SV2C: variants seen among roughly 807,000 people sequenced by gnomAD.
SV2C encodes solute carrier family 22 member B3.
A neutral mutation model predicts 79.7 loss-of-function variants in SV2C; 49 were observed. The observed-to-expected ratio is 0.61, with a 90% CI of 0.49 to 0.78. The LOEUF (loss-of-function observed/expected upper bound fraction) is 0.78, where lower values mean the gene tolerates loss of function less well. SV2C is among the 30% of genes least tolerant of loss of function. SV2C has a pLI of 0.00. For synonymous variants in SV2C, 334 were observed against 333.2 expected (o/e 1.00, Z -0.03); for missense variants, 833 against 912.9 (o/e 0.91, Z 1.13).
intron 2 of SV2C, among the ~76,000 whole-genome samples, chr5:76,134,525 A>G (rs944806840): frequency 6.6e-6 from 1 of 152,192 alleles, no homozygotes; most frequent in Non-Finnish European, 1.5e-5. Context: ...GAGGATATAG[A>G]TTTGCAAAAT....
chr5:76,162,875 C>T (rs569273951), intron 2 of SV2C, among the ~76,000 whole-genome samples: 3 of 152,300 alleles, frequency 2.0e-5, no homozygotes, highest in Non-Finnish European at 4.4e-5. Context: ...TAAAGTTTGC[C>T]TGATGTCTTT....
chr5:76,122,230 G>A (rs1459204515), intron 1 of SV2C, among the ~76,000 whole-genome samples: 1 of 151,490 alleles, frequency 6.6e-6, no homozygotes, highest in East Asian at 1.9e-4. Context: ...TGTATCCTGA[G>A]ACTTTGCTGA....
intron 3 of SV2C, among the ~76,000 whole-genome samples, chr5:76,209,429 A>G (rs1437887994): frequency 6.6e-6 from 1 of 152,246 alleles, no homozygotes; most frequent in African/African-American, 2.4e-5. Flanking sequence ...CACACAAAAC[A>G]CAACCATGAG....
At chr5:76,347,694 G>A (rs549258158) in intron 12 of SV2C, among the ~76,000 whole-genome samples, 15 of 152,196 alleles carry the variant, frequency 9.9e-5, no homozygotes, top group African/African-American at 3.4e-4. Context: ...TGCCTGCCTC[G>A]GCCTCCCAAA....
At chr5:76,171,900 C>A in intron 2 of SV2C, among the ~76,000 whole-genome samples, 1 of 115,322 alleles carries the variant, frequency 8.7e-6, no homozygotes, top group African/African-American at 3.2e-5. Flanking sequence ...GGGTCAGCCC[C>A]CCCACCCGGC....
chr5:76,134,863 G>A (rs1749015800), intron 2 of SV2C, among the ~76,000 whole-genome samples: 1 of 152,200 alleles, frequency 6.6e-6, no homozygotes, highest in South Asian at 2.1e-4. Context: ...AGCACTTACT[G>A]TGTGTAAAGC....
At chr5:76,030,285 T>TTTTA in the SV2C span, among the ~76,000 whole-genome samples, 1 of 109,960 alleles carries the variant, frequency 9.1e-6, no homozygotes, top group African/African-American at 5.4e-5. Context: ...TTTTTTTTTT[T>TTTTA]TTTTTTTATT....
the SV2C span, among the ~76,000 whole-genome samples, chr5:75,914,748 G>A: frequency 6.6e-6 from 1 of 152,170 alleles, no homozygotes; most frequent in Non-Finnish European, 1.5e-5. Flanking sequence ...CATGTAATGA[G>A]TGGTTTCTAT....
At chr5:76,085,970 A>G (rs942904535) in intron 1 of SV2C, among the ~76,000 whole-genome samples, 1 of 152,132 alleles carries the variant, frequency 6.6e-6, no homozygotes, top group Non-Finnish European at 1.5e-5. Flanking sequence ...ACAGTCTAAT[A>G]TGTAATCCAA....
At chr5:76,089,211 T>G (rs971119647) in intron 1 of SV2C, among the ~76,000 whole-genome samples, 11 of 152,146 alleles carry the variant, frequency 7.2e-5, no homozygotes, top group Non-Finnish European at 1.5e-4. Flanking sequence ...CCAGTGTGTA[T>G]TGTTCCCCTC....
the SV2C span, among the ~76,000 whole-genome samples, chr5:75,956,461 G>C: frequency 1.3e-5 from 2 of 151,566 alleles, no homozygotes; most frequent in African/African-American, 2.4e-5. Flanking sequence ...ACGAGTTAGT[G>C]GGTGCAGCAC....
intron 1 of SV2C, among the ~76,000 whole-genome samples, chr5:76,121,591 A>T (rs9716450): frequency 0.035 from 5,246 of 149,736 alleles, 297 homozygotes; most frequent in African/African-American, 0.12. Context: ...ACATATGGCT[A>T]GCCAGTTTTC....
chr5:76,129,811 C>G (rs1748821357), intron 1 of SV2C, among the ~76,000 whole-genome samples: 1 of 152,170 alleles, frequency 6.6e-6, no homozygotes, highest in Admixed American at 6.5e-5. Context: ...CTGCTTTCAA[C>G]TAACCAGAAT....
At chr5:76,172,808 C>T (rs1441590320) in intron 2 of SV2C, among the ~76,000 whole-genome samples, 4 of 83,010 alleles carry the variant, frequency 4.8e-5, no homozygotes, top group East Asian at 4.2e-4. Flanking sequence ...GGATTAAGGG[C>T]GGTGCAAGAT....
At chr5:76,195,428 G>C (rs1460826519) in intron 3 of SV2C, among the ~76,000 whole-genome samples, 1 of 152,108 alleles carries the variant, frequency 6.6e-6, no homozygotes, top group Non-Finnish European at 1.5e-5. Flanking sequence ...AATAGCTCTC[G>C]TCCTACCTGT....
intron 12 of SV2C, among the ~76,000 whole-genome samples, chr5:76,307,617 C>T (rs1404249796): frequency 1.3e-5 from 2 of 152,194 alleles, no homozygotes; most frequent in East Asian, 3.9e-4. Context: ...CAGTGCTGCC[C>T]TTTTTCTCTT....
the SV2C span, among the ~76,000 whole-genome samples, chr5:75,952,412 A>G: frequency 6.6e-6 from 1 of 151,700 alleles, no homozygotes; most frequent in Admixed American, 6.6e-5. Context: ...TGAATTGATT[A>G]ATCCTTTTCA....
the SV2C span, among the ~76,000 whole-genome samples, chr5:75,907,121 A>G: frequency 7.2e-5 from 11 of 152,332 alleles, no homozygotes; most frequent in Admixed American, 6.5e-4. Context: ...ACCACTGGCC[A>G]TATCATTGAC....
intron 12 of SV2C, among the ~76,000 whole-genome samples, chr5:76,342,657 C>T (rs973260921): frequency 6.6e-6 from 1 of 152,172 alleles, no homozygotes; most frequent in African/African-American, 2.4e-5. Context: ...GAGCTCACAC[C>T]TAAGTTCTCC....
Sources: gnomAD v4.1 joint callset for allele counts (sites outside exome capture counted in the v4.1 genomes callset) on GRCh38, gnomAD v4.1.1 for gene constraint, MANE v1.5 for transcripts, NCBI Gene and HGNC (gene_info 2026-07-23, HGNC 2026-07-21) for gene names.